The following IFT81 variants were observed in gnomAD, a reference collection of about 807,000 sequenced individuals.
The protein encoded by IFT81 is intraflagellar transport 81.
Under a neutral mutation model 102.6 loss-of-function variants are expected in IFT81, and 72 were observed. That is an observed-to-expected ratio of 0.70 (90% CI 0.58 to 0.85). The LOEUF (loss-of-function observed/expected upper bound fraction) is 0.85. Among genes scored for constraint, IFT81 ranks in the 40% least tolerant of loss-of-function variants. The pLI, the probability that IFT81 is intolerant of heterozygous loss-of-function variation, is 0.00. For synonymous variants in IFT81, 237 were observed against 242.7 expected (o/e 0.98, Z 0.22); for missense variants, 723 against 787.3 (o/e 0.92, Z 0.98).
At chr12:110,217,343 T>A (rs1192479105) in intron 18 of IFT81, among the ~76,000 whole-genome samples, 4 of 151,084 alleles carry the variant, frequency 2.6e-5, no homozygotes, top group African/African-American at 9.7e-5. Context: ...CCATGCCTGG[T>A]CTATTAACCT....
At chr12:110,179,761 TATATATATATATACAC>T (rs1296988402) in intron 11 of IFT81, among the ~76,000 whole-genome samples, 5 of 67,920 alleles carry the variant, frequency 7.4e-5, no homozygotes, top group South Asian at 4.5e-4. Flanking sequence ...TATATATATA[TATATATATATATACAC>T]ACACACACAC....
intron 11 of IFT81, among the ~76,000 whole-genome samples, chr12:110,165,532 A>G (rs1041410892): frequency 1.3e-4 from 20 of 152,326 alleles, no homozygotes; most frequent in African/African-American, 4.6e-4. Context: ...AAAGAACACT[A>G]TGCCAGGAAT....
intron 8 of IFT81, among the ~76,000 whole-genome samples, chr12:110,139,871 A>AATAAAATAAAATAAAATAAAATAAT (rs1894777493): frequency 7.2e-6 from 1 of 138,724 alleles, no homozygotes; most frequent in African/African-American, 2.6e-5. Context: ...TAAAATATAA[A>AATAAAATAAAATAAAATAAAATAAT]ATAAAATAAA....
intron 11 of IFT81, among the ~76,000 whole-genome samples, chr12:110,167,321 C>T (rs1053391010): frequency 2.0e-5 from 3 of 152,132 alleles, no homozygotes; most frequent in Admixed American, 6.5e-5. Context: ...TTTCTCTTAT[C>T]TGCCAGAGTT....
intron 8 of IFT81, among the ~76,000 whole-genome samples, chr12:110,139,251 C>T (rs932843790): frequency 1.4e-5 from 2 of 147,462 alleles, no homozygotes; most frequent in Admixed American, 6.9e-5. Context: ...GTGGGAGGAT[C>T]ACTTGAGCTC....
chr12:110,159,000 G>T (rs1895998019), intron 10 of IFT81, among the ~76,000 whole-genome samples: 1 of 152,246 alleles, frequency 6.6e-6, no homozygotes, highest in South Asian at 2.1e-4. Context: ...GGGATTACAA[G>T]TGTGAGCCAC....
At chr12:110,173,325 G>T (rs868621471) in intron 11 of IFT81, among the ~76,000 whole-genome samples, 3 of 137,272 alleles carry the variant, frequency 2.2e-5, no homozygotes, top group Non-Finnish European at 4.7e-5. Flanking sequence ...CAGCCACCCC[G>T]TCCGGGAGGG....
intron 8 of IFT81, among the ~76,000 whole-genome samples, chr12:110,139,484 G>C (rs1347278220): frequency 6.6e-6 from 1 of 151,890 alleles, no homozygotes; most frequent in Non-Finnish European, 1.5e-5. Flanking sequence ...AGACCAGCCT[G>C]GGCAACATAG....
At chr12:110,199,420 T>G (rs1488504986) in intron 14 of IFT81, among the ~76,000 whole-genome samples, 3 of 152,164 alleles carry the variant, frequency 2.0e-5, no homozygotes, top group Admixed American at 6.5e-5. Context: ...AATATTGAGT[T>G]AATTTCTCAG....
In IFT81 at chr12:110,155,548, G is replaced by C. The variant is rs548989959; in HGVS notation, c.1042-7371G>C. Reference sequence around the variant, plus strand: ...GCTGGTCTTGAACTCCTGACCTCAGGTGATCTGCCCACTTCGGCCTCCCAA... The same window carrying C: ...GCTGGTCTTGAACTCCTGACCTCAGCTGATCTGCCCACTTCGGCCTCCCAA... On this transcript the variant is annotated intron_variant, in intron 10 of 18. Transcript: ENST00000242591. Among the ~76,000 whole-genome samples the C allele has an allele frequency of 3.8e-4, 58 of 152,250 alleles. 1 individual carries two copies. Among genetic ancestry groups the C allele is most frequent in the Admixed American group, 3.2e-3 (49 of 15,290 alleles).
intron 14 of IFT81, chr12:110,203,637 T>C (rs997876129): frequency 1.9e-6 from 1 of 512,876 alleles, no homozygotes; most frequent in African/African-American, 1.9e-5. Flanking sequence ...TCTCCCCAGC[T>C]CCTAACAAAG....
intron 10 of IFT81, among the ~76,000 whole-genome samples, chr12:110,158,654 A>G (rs915604833): frequency 1.3e-5 from 2 of 151,636 alleles, no homozygotes; most frequent in African/African-American, 4.8e-5. Flanking sequence ...CAGTGGCACT[A>G]TCTCGGCTCA....
intron 15 of IFT81, 135 bp from the exon 16 acceptor site, chr12:110,205,308 T>C: frequency 1.1e-6 from 1 of 918,826 alleles, no homozygotes; most frequent in Non-Finnish European, 1.6e-6. Flanking sequence ...CTTATTGTGC[T>C]AGAATAAACA....
intron 14 of IFT81, among the ~76,000 whole-genome samples, chr12:110,196,760 A>G (rs1898018440): frequency 6.6e-6 from 1 of 152,188 alleles, no homozygotes; most frequent in African/African-American, 2.4e-5. Context: ...ATTCCTTATT[A>G]TGGTACGTAA....
chr12:110,139,856 TAAA>T (rs1310965945), intron 8 of IFT81, among the ~76,000 whole-genome samples: 8 of 121,114 alleles, frequency 6.6e-5, no homozygotes, highest in South Asian at 2.3e-4. Flanking sequence ...ATAAATAAAA[TAAA>T]ATAAAATATA....
At chr12:110,193,170 T>TC (rs1430602881) in intron 14 of IFT81, among the ~76,000 whole-genome samples, 2 of 151,468 alleles carry the variant, frequency 1.3e-5, no homozygotes, top group Non-Finnish European at 2.9e-5. Flanking sequence ...CTCCCACCCC[T>TC]CCCCCCAAAA....
chr12:110,156,153 G>A (rs1593310142), intron 10 of IFT81, among the ~76,000 whole-genome samples: 1 of 152,174 alleles, frequency 6.6e-6, no homozygotes. Context: ...AAAACAAAAT[G>A]TGGAGATATA....
rs1232896573 is a variant in IFT81 at position 110,166,664 on chromosome 12, CTATTGCCATCCTAATGGCAATATTT to C, written c.1188+3610_1188+3634del. Among the ~76,000 whole-genome samples, 9 of 151,476 alleles carry C rather than the reference CTATTGCCATCCTAATGGCAATATTT, an allele frequency of 5.9e-5. No individual in the cohort carries two copies. In the South Asian group the frequency reaches 6.3e-4, roughly 11 times the overall value. On this transcript the variant is annotated intron_variant, in intron 11 of 18. Transcript: ENST00000242591. ...AGTTACACAGTTAGCATGTAAGAGA[CTATTGCCATCCTAATGGCAATATTT>C]TATTGCCATCAAATATGATTCCTAA...
At chr12:110,136,408 T>TA (rs1487988500) in intron 7 of IFT81, among the ~76,000 whole-genome samples, 3 of 152,236 alleles carry the variant, frequency 2.0e-5, no homozygotes, top group African/African-American at 7.2e-5. Context: ...CCTGAATGGT[T>TA]ACTTGGCGTT....
Sources: allele counts gnomAD v4.1 joint callset (sites outside exome capture counted in the v4.1 genomes callset), GRCh38; gene constraint gnomAD v4.1.1; transcripts MANE v1.5; gene names NCBI Gene and HGNC (gene_info 2026-07-23, HGNC 2026-07-21).